The following FGF14 variants were observed in gnomAD, a reference collection of about 807,000 sequenced individuals.
FGF14 encodes the protein fibroblast growth factor homologous factor 4.
FGF14 carries 5 observed loss-of-function variants against 25.5 expected under a neutral mutation model. The observed-to-expected ratio is 0.20, with a 90% CI of 0.10 to 0.41. FGF14 has a LOEUF of 0.41. Ranked by LOEUF, FGF14 falls within the 10% of genes least tolerant of loss-of-function variation. FGF14 has a pLI of 1.00. For missense variants in FGF14, 222 were observed against 320.1 expected (o/e 0.69, Z 2.34); for synonymous variants, 138 against 118.3 (o/e 1.17, Z -1.08).
chr13:101,800,957 T>C (rs1222344539), intron 3 of FGF14, among the ~76,000 whole-genome samples: 1 of 152,204 alleles, frequency 6.6e-6, no homozygotes, highest in Non-Finnish European at 1.5e-5. Flanking sequence ...GAGGAGGGAC[T>C]GTTAAACTGT....
At chr13:101,876,652 G>A (rs1240246988) in intron 1 of FGF14, among the ~76,000 whole-genome samples, 1 of 152,160 alleles carries the variant, frequency 6.6e-6, no homozygotes, top group East Asian at 1.9e-4. Context: ...ACATCAGTGT[G>A]ACTAGCTGTA....
At chr13:102,170,273 C>G (rs2048193574) in intron 1 of FGF14, among the ~76,000 whole-genome samples, 1 of 152,070 alleles carries the variant, frequency 6.6e-6, no homozygotes, top group South Asian at 2.1e-4. Flanking sequence ...CTATTAATCT[C>G]CATGAGGGCA....
chr13:102,242,692 C>T (rs9300723), intron 1 of FGF14, among the ~76,000 whole-genome samples: 23,923 of 152,100 alleles, frequency 0.16, 2,072 homozygotes, highest in Non-Finnish European at 0.2. Flanking sequence ...CAGTTTCCAA[C>T]ATATGCTTTT....
chr13:102,306,783 T>C (rs2055405788), intron 1 of FGF14, among the ~76,000 whole-genome samples: 1 of 152,180 alleles, frequency 6.6e-6, no homozygotes, highest in African/African-American at 2.4e-5. Flanking sequence ...TATACTTAAT[T>C]AGAACTATCC....
chr13:101,917,578 C>T (rs1594723460), upstream of FGF14, among the ~76,000 whole-genome samples: 1 of 151,772 alleles, frequency 6.6e-6, no homozygotes, highest in African/African-American at 2.4e-5. Flanking sequence ...GGTTGGAGGG[C>T]GAGGTGGTTT....
intron 3 of FGF14, among the ~76,000 whole-genome samples, chr13:101,739,447 T>A (rs1439699806): frequency 1.3e-5 from 2 of 152,150 alleles, no homozygotes; most frequent in African/African-American, 4.8e-5. Context: ...AGAAAAGGAA[T>A]GATTTCTATG....
chr13:102,164,238 A>T (rs998995576), intron 1 of FGF14, among the ~76,000 whole-genome samples: 2 of 152,196 alleles, frequency 1.3e-5, no homozygotes, highest in Non-Finnish European at 2.9e-5. Flanking sequence ...TTCTGTTCCT[A>T]GCCAAGCCTG....
At chr13:102,101,021 C>T (rs1479408497) in intron 1 of FGF14, among the ~76,000 whole-genome samples, 2 of 152,052 alleles carry the variant, frequency 1.3e-5, no homozygotes, top group African/African-American at 4.8e-5. Context: ...TTTGCTGGAA[C>T]CCGGGAGGCG....
intron 1 of FGF14, among the ~76,000 whole-genome samples, chr13:102,043,403 C>T (rs1373402905): frequency 6.6e-6 from 1 of 152,152 alleles, no homozygotes; most frequent in Non-Finnish European, 1.5e-5. Context: ...TGTCAAACAA[C>T]AGGTTTCATC....
chr13:102,158,493 G>A (rs2047457251), intron 1 of FGF14, among the ~76,000 whole-genome samples: 1 of 150,558 alleles, frequency 6.6e-6, no homozygotes, highest in Admixed American at 6.6e-5. Context: ...ACACAGGAAG[G>A]GGAACATCAC....
At chr13:101,875,765 T>C (rs527508827) in intron 1 of FGF14, among the ~76,000 whole-genome samples, 1 of 152,118 alleles carries the variant, frequency 6.6e-6, no homozygotes, top group Non-Finnish European at 1.5e-5. Context: ...AAAATACCTA[T>C]ATTTTAAAAA....
At chr13:102,324,922 T>G (rs975888991) in intron 1 of FGF14, among the ~76,000 whole-genome samples, 51 of 150,216 alleles carry the variant, frequency 3.4e-4, no homozygotes, top group African/African-American at 4.7e-4. Flanking sequence ...TTGATATTTG[T>G]TTTTTTTTGA....
chr13:102,100,315 C>T (rs2044597815), intron 1 of FGF14, among the ~76,000 whole-genome samples: 1 of 152,138 alleles, frequency 6.6e-6, no homozygotes, highest in Admixed American at 6.5e-5. Context: ...TGGAACCCTC[C>T]CTACAAGAGC....
intron 1 of FGF14, among the ~76,000 whole-genome samples, chr13:101,878,786 C>T (rs905751553): frequency 5.9e-5 from 9 of 151,984 alleles, no homozygotes; most frequent in African/African-American, 1.9e-4. Context: ...CACATACCTT[C>T]AGATATAAAA....
rs557268688 is a variant in FGF14 at position 101,964,005 on chromosome 13, T to C, written c.209-88709A>G. Among the ~76,000 whole-genome samples the C allele has an allele frequency of 7.9e-5, 12 of 152,350 alleles. No homozygotes were observed. The East Asian group carries it at 2.1e-3, about 27-fold the overall frequency. Reference sequence around the variant, plus strand: ...ATAATAATAAATGCTGAAGTGGTTTTCAAACATGATTTATTTTTAAACCAC... The same window carrying C: ...ATAATAATAAATGCTGAAGTGGTTTCCAAACATGATTTATTTTTAAACCAC... On this transcript the variant is annotated intron_variant, in intron 1 of 4. Coordinates refer to the FGF14 transcript ENST00000376131.
In FGF14 at chr13:101,714,212, T is replaced by C; in HGVS notation, c.*8619A>G. On this transcript the variant is annotated 3_prime_UTR_variant, in exon 5 of 5. Coordinates refer to ENST00000376143, the MANE Select transcript of FGF14 (RefSeq NM_004115.4). ...CCAGACTGGGCCATGGGACATTTGT[T>C]CAAGGCTAATTGCAACTGTCTAGAT... 1 of 511,844 alleles carries C rather than the reference T, an allele frequency of 2.0e-6. No individual in the cohort carries two copies. Among genetic ancestry groups the C allele is most frequent in the Non-Finnish European group, 3.5e-6 (1 of 287,430 alleles). The allele number at this position is 511,844 out of a possible 1,614,324, so 31.7% of individuals were successfully genotyped here.
chr13:102,131,291 C>A (rs896021463), intron 1 of FGF14, among the ~76,000 whole-genome samples: 5 of 152,204 alleles, frequency 3.3e-5, no homozygotes, highest in African/African-American at 7.2e-5. Context: ...GACCAGCTGT[C>A]TTTGCAAACC....
At chr13:102,291,541 T>C (rs2054398129) in intron 1 of FGF14, among the ~76,000 whole-genome samples, 2 of 152,126 alleles carry the variant, frequency 1.3e-5, no homozygotes, top group African/African-American at 4.8e-5. Context: ...ACTGCATAGG[T>C]GTAAATTAAA....
Position 102,264,361 on chromosome 13 carries a change from C to G in FGF14, c.208+137110G>C, listed in dbSNP as rs189211391. On this transcript the variant is annotated intron_variant, in intron 1 of 4. Coordinates refer to the FGF14 transcript ENST00000376131. ...CCATAAAATTAGCATCTACTATTGACATGGAAAGCATGAAATATATAAAGC... is the reference window on the plus strand; with the variant it reads ...CCATAAAATTAGCATCTACTATTGAGATGGAAAGCATGAAATATATAAAGC... Among the ~76,000 whole-genome samples, 121 of 152,246 alleles carry G rather than the reference C, an allele frequency of 7.9e-4. 1 individual carries two copies. The highest frequency in any genetic ancestry group is 2.7e-3 in the African/African-American group (113 of 41,558).
Sources: gnomAD v4.1 joint callset for allele counts (sites outside exome capture counted in the v4.1 genomes callset) on GRCh38, gnomAD v4.1.1 for gene constraint, MANE v1.5 for transcripts, NCBI Gene and HGNC (gene_info 2026-07-23, HGNC 2026-07-21) for gene names.